TDRD9: variants seen among roughly 807,000 people sequenced by gnomAD.
TDRD9 encodes the protein tudor domain containing 9, also known as ATP-dependent RNA helicase TDRD9.
Under a neutral mutation model 172.6 loss-of-function variants are expected in TDRD9, and 124 were observed. The observed-to-expected ratio is 0.72, with a 90% CI of 0.62 to 0.83. The LOEUF is 0.83. Ranked by LOEUF, TDRD9 falls within the 40% of genes least tolerant of loss-of-function variation. The pLI, the probability that TDRD9 is intolerant of heterozygous loss-of-function variation, is 0.00. For synonymous variants in TDRD9, 619 were observed against 617.1 expected (o/e 1.00, Z -0.05); for missense variants, 1,479 against 1,714.1 (o/e 0.86, Z 2.42).
chr14:103,973,124 T>C (rs1164747231), intron 6 of TDRD9, among the ~76,000 whole-genome samples: 1 of 152,210 alleles, frequency 6.6e-6, no homozygotes, highest in Non-Finnish European at 1.5e-5. Flanking sequence ...TTGTAAGATA[T>C]GGTTGGTCAG....
At chr14:103,938,432 A>ATTTTTTTTTTT (rs1343962171) in intron 1 of TDRD9, among the ~76,000 whole-genome samples, 2 of 37,168 alleles carry the variant, frequency 5.4e-5, no homozygotes, top group South Asian at 9.9e-4. Flanking sequence ...ATATATATAT[A>ATTTTTTTTTTT]TATATATATT....
intron 31 of TDRD9, among the ~76,000 whole-genome samples, chr14:104,034,378 G>T (rs1216087639): frequency 6.6e-6 from 1 of 151,914 alleles, no homozygotes; most frequent in Non-Finnish European, 1.5e-5. Context: ...TTTTAGTAGA[G>T]ATGGGGTTTC....
chr14:103,998,743 T>G lies in TDRD9; in HGVS notation c.1483+15T>G, dbSNP rs1466185173. 1 of 1,370,570 alleles carries G rather than the reference T, an allele frequency of 7.3e-7. No individual in the cohort carries two copies. Among genetic ancestry groups the G allele is most frequent in the Admixed American group, 1.7e-5 (1 of 58,874 alleles). The allele number at this position is 1,370,570 out of a possible 1,614,324, so 84.9% of individuals were successfully genotyped here. A position where few individuals can be genotyped will look rare whatever the true frequency, so the allele number is the denominator to read the frequency against. On this transcript the variant is annotated intron_variant, in intron 13 of 35. Coordinates refer to ENST00000409874, the MANE Select transcript of TDRD9 (RefSeq NM_153046.3). ...TCAGAGAAAAGGTAAGACATTTGTG[T>G]TAAAGCACAATAATGAGTCATTGGT...
Position 104,002,425 on chromosome 14 carries a change from G to C in TDRD9, c.1484-1813G>C, listed in dbSNP as rs140202848. On this transcript the variant is annotated intron_variant, in intron 13 of 35. Coordinates refer to ENST00000409874, the MANE Select transcript of TDRD9 (RefSeq NM_153046.3). ...GCCCCTGAACTGGAAGAGGTTTAGA[G>C]AGACTCTGGTGCTGTTGCGTGGTCA... 7.3e-3 allele frequency among the ~76,000 whole-genome samples: 1,113 copies of C among 152,142 alleles called. 14 individuals are homozygous for C. The highest frequency in any genetic ancestry group is 0.025 in the African/African-American group (1,058 of 41,528).
chr14:103,972,662 T>G (rs1566750580), intron 6 of TDRD9, among the ~76,000 whole-genome samples: 1 of 152,262 alleles, frequency 6.6e-6, no homozygotes, highest in East Asian at 1.9e-4. Flanking sequence ...ATGATGGGGC[T>G]GCTTTGGAAA....
At chr14:104,038,168 C>T (rs1170030354) in intron 32 of TDRD9, among the ~76,000 whole-genome samples, 1 of 152,048 alleles carries the variant, frequency 6.6e-6, no homozygotes, top group Non-Finnish European at 1.5e-5. Flanking sequence ...GTGCTGTAAC[C>T]CTGGGAAGAT....
intron 12 of TDRD9, among the ~76,000 whole-genome samples, chr14:103,996,102 G>A (rs1049315439): frequency 3.9e-5 from 6 of 152,188 alleles, no homozygotes; most frequent in Non-Finnish European, 7.3e-5. Context: ...TCTGTGACTG[G>A]AGGGAGGCAG....
chr14:103,992,938 A>AAAG (rs2033924861), intron 9 of TDRD9, among the ~76,000 whole-genome samples: 2 of 151,332 alleles, frequency 1.3e-5, no homozygotes, highest in South Asian at 2.1e-4. Context: ...AAAAAAAAAA[A>AAAG]AAAAAAAGAA....
chr14:103,945,024 A>T (rs1391055753), intron 1 of TDRD9, among the ~76,000 whole-genome samples: 1 of 152,122 alleles, frequency 6.6e-6, no homozygotes, highest in Non-Finnish European at 1.5e-5. Flanking sequence ...CCTAGTTCCT[A>T]CTCCCAAGGA....
intron 1 of TDRD9, among the ~76,000 whole-genome samples, chr14:103,948,951 T>G (rs1020672515): frequency 5.3e-5 from 8 of 151,696 alleles, no homozygotes; most frequent in African/African-American, 1.9e-4. Flanking sequence ...TATATGAGAT[T>G]CCCTAAAGGA....
chr14:104,048,515 CT>C (rs747213449), intron 34 of TDRD9, among the ~76,000 whole-genome samples: 5 of 152,212 alleles, frequency 3.3e-5, no homozygotes, highest in Non-Finnish European at 7.3e-5. Context: ...CAAAAGTTGT[CT>C]TTAAATACTG....
At chr14:103,965,237 A>G in intron 3 of TDRD9, 96 bp from the exon 4 acceptor site, 1 of 1,277,174 alleles carries the variant, frequency 7.8e-7, no homozygotes, top group Non-Finnish European at 1.1e-6. Flanking sequence ...AAACTTTAAG[A>G]TGAAAGAAAA....
intron 9 of TDRD9, among the ~76,000 whole-genome samples, chr14:103,991,617 T>C (rs186760419): frequency 5.3e-5 from 8 of 152,238 alleles, no homozygotes; most frequent in African/African-American, 1.9e-4. Context: ...TTCACCATGT[T>C]GGCCAGGATG....
chr14:103,939,289 C>T (rs1354414133), intron 1 of TDRD9, among the ~76,000 whole-genome samples: 3 of 152,176 alleles, frequency 2.0e-5, no homozygotes, highest in Non-Finnish European at 4.4e-5. Context: ...ATACAAACTT[C>T]ACGTTCTCCT....
At chr14:104,045,390 C>CTTTTTTTTTT (rs55844445) in intron 34 of TDRD9, among the ~76,000 whole-genome samples, 1 of 133,906 alleles carries the variant, frequency 7.5e-6, no homozygotes, top group Non-Finnish European at 1.6e-5. Flanking sequence ...GTCATTTATC[C>CTTTTTTTTTT]TTTTTTTTTT....
At chr14:103,958,891 A>C (rs1380175313) in intron 2 of TDRD9, among the ~76,000 whole-genome samples, 1 of 152,202 alleles carries the variant, frequency 6.6e-6, no homozygotes, top group African/African-American at 2.4e-5. Flanking sequence ...GTTGGATGAG[A>C]TAGGCAAGAC....
Position 103,965,329 on chromosome 14 carries a change from C to T in TDRD9, c.421-4C>T. 1 of 1,551,356 alleles carries T rather than the reference C, an allele frequency of 6.4e-7. No individual in the cohort carries two copies. ...GATTTTGAAAGAATTTTTTAAATTT[C>T]TAGGTTGTGTCTTTGATAGAAAGTA... On this transcript the variant is annotated splice_polypyrimidine_tract_variant and splice_region_variant and intron_variant, in intron 3 of 35. Transcript: ENST00000409874.
chr14:104,022,764 A>ATAAATAAATAAAT, intron 24 of TDRD9, among the ~76,000 whole-genome samples: 1 of 144,446 alleles, frequency 6.9e-6, no homozygotes, highest in Non-Finnish European at 1.5e-5. Flanking sequence ...AAATAAATAA[A>ATAAATAAATAAAT]AAAGCACTGG....
intron 1 of TDRD9, among the ~76,000 whole-genome samples, chr14:103,946,485 G>A (rs985101025): frequency 6.6e-6 from 1 of 152,162 alleles, no homozygotes; most frequent in African/African-American, 2.4e-5. Context: ...TCTAAGATCA[G>A]GAACAAGGTG....
Sources: allele counts gnomAD v4.1 joint callset (sites outside exome capture counted in the v4.1 genomes callset), GRCh38; gene constraint gnomAD v4.1.1; transcripts MANE v1.5; gene names NCBI Gene and HGNC (gene_info 2026-07-23, HGNC 2026-07-21).